ATG10: variants seen among roughly 807,000 people sequenced by gnomAD.
The protein encoded by ATG10 is ubiquitin-like-conjugating enzyme ATG10.
ATG10 carries 30 observed loss-of-function variants against 32.1 expected under a neutral mutation model. That is an observed-to-expected ratio of 0.94 (90% CI 0.70 to 1.27). ATG10 has a LOEUF of 1.27. Among genes scored for constraint, ATG10 ranks in the 50% most tolerant of loss-of-function variants. The pLI is 0.00. For synonymous variants in ATG10, 87 were observed against 91.5 expected, an observed-to-expected ratio of 0.95 and a Z score of 0.28; for missense variants, 233 against 262.3, an observed-to-expected ratio of 0.89 and a Z score of 0.77.
chr5:82,252,674 C>A lies in ATG10; in HGVS notation c.551+15C>A. 1 of 1,444,012 alleles carries A rather than the reference C, an allele frequency of 6.9e-7. No homozygotes were observed. The highest frequency in any genetic ancestry group is 9.6e-7 in the Non-Finnish European group (1 of 1,039,094). The allele number at this position is 1,444,012 out of a possible 1,614,324, so 89.4% of individuals were successfully genotyped here. ...AAAATCAATAAGTAAGAAACACCAT[C>A]AAGATACATTGGCTTCTACTCTGAT... is the stretch of plus-strand genomic sequence containing the variant. On this transcript the variant is annotated intron_variant, in intron 6 of 7. Transcript: ENST00000282185.
chr5:82,181,654 G>A (rs1581777751), intron 5 of ATG10, among the ~76,000 whole-genome samples: 1 of 152,064 alleles, frequency 6.6e-6, no homozygotes, highest in Admixed American at 6.6e-5. Flanking sequence ...TCATTAGCTT[G>A]CGGACTGAAC....
At chr5:82,044,958 G>A (rs1379391717) in intron 2 of ATG10, among the ~76,000 whole-genome samples, 2 of 152,090 alleles carry the variant, frequency 1.3e-5, no homozygotes, top group African/African-American at 4.8e-5. Context: ...ACAGATTCTT[G>A]TCAATCTGTT....
intron 3 of ATG10, among the ~76,000 whole-genome samples, chr5:82,062,515 G>T (rs1339534998): frequency 6.6e-6 from 1 of 152,094 alleles, no homozygotes; most frequent in Non-Finnish European, 1.5e-5. Flanking sequence ...CTTACTTCCT[G>T]TTTTGGTTGG....
At chr5:82,251,073 GT>G (rs1747237453) in intron 5 of ATG10, among the ~76,000 whole-genome samples, 1 of 152,202 alleles carries the variant, frequency 6.6e-6, no homozygotes. Flanking sequence ...CAAATGCCAG[GT>G]GGTGCTAAAA....
intron 5 of ATG10, among the ~76,000 whole-genome samples, chr5:82,212,745 C>T (rs1055688823): frequency 6.6e-6 from 1 of 152,086 alleles, no homozygotes; most frequent in Non-Finnish European, 1.5e-5. Flanking sequence ...TTGCATATGC[C>T]CTTTGACTGG....
chr5:82,118,402 A>ATATATATATATATATATG (rs1309574936), intron 3 of ATG10, among the ~76,000 whole-genome samples: 2 of 136,374 alleles, frequency 1.5e-5, no homozygotes, highest in African/African-American at 2.8e-5. Flanking sequence ...ATATATATAT[A>ATATATATATATATATATG]TATGTATGTA....
At chr5:82,217,612 T>A (rs1745739946) in intron 5 of ATG10, among the ~76,000 whole-genome samples, 2 of 151,646 alleles carry the variant, frequency 1.3e-5, no homozygotes, top group African/African-American at 4.8e-5. Flanking sequence ...CATACACATA[T>A]AGGGCATAAT....
chr5:81,983,988 G>T (rs1258242184), intron 1 of ATG10, among the ~76,000 whole-genome samples: 1 of 151,472 alleles, frequency 6.6e-6, no homozygotes, highest in Non-Finnish European at 1.5e-5. Flanking sequence ...ATGGGATGGC[G>T]GCCGGGCAGA....
chr5:82,190,267 C>T (rs1297871129), intron 5 of ATG10, among the ~76,000 whole-genome samples: 1 of 151,780 alleles, frequency 6.6e-6, no homozygotes, highest in Non-Finnish European at 1.5e-5. Context: ...TTCATAATCC[C>T]AAATGTTAAA....
At chr5:82,042,840 C>T (rs577220073) in intron 2 of ATG10, among the ~76,000 whole-genome samples, 36 of 152,286 alleles carry the variant, frequency 2.4e-4, no homozygotes, top group Middle Eastern at 3.4e-3. Flanking sequence ...TGGGCAGCTC[C>T]GCCTCTGTGG....
At chr5:82,164,875 A>C (rs938481399) in intron 4 of ATG10, among the ~76,000 whole-genome samples, 1 of 152,240 alleles carries the variant, frequency 6.6e-6, no homozygotes, top group Non-Finnish European at 1.5e-5. Flanking sequence ...TTACAGTAAA[A>C]ATTTATTTTA....
intron 5 of ATG10, among the ~76,000 whole-genome samples, chr5:82,233,208 C>G (rs375857297): frequency 6.6e-6 from 1 of 152,120 alleles, no homozygotes; most frequent in East Asian, 1.9e-4. Flanking sequence ...TAACATCTAA[C>G]TAGATAATAT....
chr5:82,130,289 G>A (rs1280774753), intron 3 of ATG10, among the ~76,000 whole-genome samples: 1 of 152,126 alleles, frequency 6.6e-6, no homozygotes, highest in Non-Finnish European at 1.5e-5. Flanking sequence ...CTCCGTGGTG[G>A]TGGGATCCAC....
intron 5 of ATG10, among the ~76,000 whole-genome samples, chr5:82,234,190 A>G (rs576564168): frequency 1.9e-4 from 29 of 152,298 alleles, no homozygotes; most frequent in African/African-American, 7.0e-4. Flanking sequence ...ACACCTTCAC[A>G]AAGAGAAGTT....
intron 2 of ATG10, among the ~76,000 whole-genome samples, chr5:82,006,733 T>C (rs895911475): frequency 6.6e-6 from 1 of 152,230 alleles, no homozygotes; most frequent in African/African-American, 2.4e-5. Context: ...TGCATTCATA[T>C]TGTTGTGCAA....
intron 3 of ATG10, among the ~76,000 whole-genome samples, chr5:82,065,210 G>A (rs1295539280): frequency 2.0e-5 from 3 of 152,126 alleles, no homozygotes; most frequent in Non-Finnish European, 4.4e-5. Context: ...ATAGGGCCGG[G>A]CGCAGTGACT....
At chr5:82,241,219 C>T (rs1017001808) in intron 5 of ATG10, among the ~76,000 whole-genome samples, 1 of 152,158 alleles carries the variant, frequency 6.6e-6, no homozygotes, top group South Asian at 2.1e-4. Flanking sequence ...CTTGTTGGCT[C>T]TACCTTCAAA....
chr5:82,014,848 G>A (rs944636975), intron 2 of ATG10, among the ~76,000 whole-genome samples: 1 of 152,190 alleles, frequency 6.6e-6, no homozygotes, highest in South Asian at 2.1e-4. Context: ...ATACTGTTAT[G>A]TGTGAATTTG....
intron 5 of ATG10, among the ~76,000 whole-genome samples, chr5:82,190,555 G>A (rs1365272432): frequency 2.0e-5 from 3 of 151,788 alleles, no homozygotes; most frequent in Admixed American, 6.6e-5. Context: ...GGCGGATCAC[G>A]AGGTCAAGAG....
Sources: gnomAD v4.1 joint callset for allele counts (sites outside exome capture counted in the v4.1 genomes callset) on GRCh38, gnomAD v4.1.1 for gene constraint, MANE v1.5 for transcripts, NCBI Gene and HGNC (gene_info 2026-07-23, HGNC 2026-07-21) for gene names.